Variants in DENND5A observed in about 807,000 individuals in gnomAD.
The protein encoded by DENND5A is DENN domain-containing protein 5A.
In DENND5A, 64 loss-of-function variants were observed where a neutral mutation model predicts 140.3. The observed-to-expected ratio is 0.46, with a 90% CI of 0.37 to 0.56. The LOEUF is 0.56. Ranked by LOEUF, DENND5A falls within the 20% of genes least tolerant of loss-of-function variation. The pLI, the probability that DENND5A is intolerant of heterozygous loss-of-function variation, is 0.00. For missense variants in DENND5A, 1,292 were observed against 1,593.8 expected, an observed-to-expected ratio of 0.81 and a Z score of 3.22; for synonymous variants, 605 against 607.7, an observed-to-expected ratio of 1.00 and a Z score of 0.07.
At chr11:9,217,448 A>G (rs916451239) in intron 1 of DENND5A, among the ~76,000 whole-genome samples, 5 of 151,640 alleles carry the variant, frequency 3.3e-5, no homozygotes, top group African/African-American at 4.9e-5. Flanking sequence ...CAGGAGGCAG[A>G]GGGTGCAGTG....
intron 22 of DENND5A, chr11:9,140,339 A>G: frequency 1.7e-6 from 1 of 599,356 alleles, no homozygotes. Flanking sequence ...CCAAGATCAC[A>G]TGGCTAGTAA....
At chr11:9,186,432 C>G (rs1159832758) in intron 5 of DENND5A, among the ~76,000 whole-genome samples, 1 of 152,174 alleles carries the variant, frequency 6.6e-6, no homozygotes, top group Non-Finnish European at 1.5e-5. Context: ...CTGTGACCCA[C>G]GAAAGGCACA....
intron 1 of DENND5A, among the ~76,000 whole-genome samples, chr11:9,234,427 C>T (rs1478446675): frequency 6.6e-6 from 1 of 151,562 alleles, no homozygotes; most frequent in Non-Finnish European, 1.5e-5. Context: ...TAGTAGTCAA[C>T]GAAATACAGA....
At chr11:9,195,516 T>C (rs1849294583) in intron 4 of DENND5A, among the ~76,000 whole-genome samples, 1 of 152,310 alleles carries the variant, frequency 6.6e-6, no homozygotes, top group Non-Finnish European at 1.5e-5. Context: ...AAATGAGCTG[T>C]CATAGGAATT....
chr11:9,172,836 G>A (rs576782336), intron 8 of DENND5A, among the ~76,000 whole-genome samples: 1 of 151,954 alleles, frequency 6.6e-6, no homozygotes, highest in Non-Finnish European at 1.5e-5. Flanking sequence ...ATTTTTTTGA[G>A]ACAGGGTCTC....
chr11:9,167,965 T>C (rs927860209), intron 10 of DENND5A, among the ~76,000 whole-genome samples: 1 of 152,228 alleles, frequency 6.6e-6, no homozygotes, highest in Non-Finnish European at 1.5e-5. Flanking sequence ...CATATGGTCA[T>C]TTCAAAAGCT....
chr11:9,257,953 C>T (rs372671299), intron 1 of DENND5A, among the ~76,000 whole-genome samples: 8 of 151,662 alleles, frequency 5.3e-5, no homozygotes, highest in East Asian at 3.9e-4. Flanking sequence ...CCACCAGGCC[C>T]GGCTAATTTT....
chr11:9,248,622 C>A (rs1851582213), intron 1 of DENND5A, among the ~76,000 whole-genome samples: 5 of 151,838 alleles, frequency 3.3e-5, no homozygotes, highest in Admixed American at 3.3e-4. Context: ...CCCCTGCATT[C>A]CAGCCTGGGC....
At chr11:9,226,807 A>C (rs1043335677) in intron 1 of DENND5A, among the ~76,000 whole-genome samples, 1 of 152,128 alleles carries the variant, frequency 6.6e-6, no homozygotes, top group Non-Finnish European at 1.5e-5. Context: ...CTGAATGTGC[A>C]AGACTCAAAA....
At chr11:9,145,537 C>T (rs1847399340) in intron 17 of DENND5A, 133 bp downstream of exon 17, 3 of 1,007,726 alleles carry the variant, frequency 3.0e-6, no homozygotes, top group Non-Finnish European at 4.5e-6. Context: ...CTCAGATCAT[C>T]TCAGGAAGGT....
At position 9,170,773 on chromosome 11, in the gene DENND5A, T is replaced by G. The variant is rs777766849; in HGVS notation, c.1911A>C (p.Lys637Asn). The G allele has an allele frequency of 6.2e-7, 1 of 1,612,636 alleles. No individual in the cohort carries two copies. Among genetic ancestry groups the G allele is most frequent in the East Asian group, 2.2e-5 (1 of 44,868 alleles). The change falls in exon 9 of 23, where the codon AAA (lysine) becomes AAC (asparagine). Residue 637 changes from lysine to asparagine, a missense_variant. This residue lies in a region of DENND5A where 199 missense variants were observed against 189.1 expected (regional missense o/e 1.05). Transcript: ENST00000328194. The stretch of plus-strand genomic sequence containing the variant: ...TTTTTGCCAGACGCAGCTCAATTGC[T>G]TTCTCTGGATGAGAATACACACACA... ...QKCTTVDEAEKAIELRLAKID... is the reference protein window; with the variant it reads ...QKCTTVDEAENAIELRLAKID...
chr11:9,152,886 C>T lies in DENND5A; in HGVS notation c.2437-444G>A, dbSNP rs1322458642. Among the ~76,000 whole-genome samples the T allele has an allele frequency of 2.6e-5, 4 of 151,800 alleles. No individual in the cohort carries two copies. In the South Asian group the frequency reaches 8.3e-4, roughly 32 times the overall value. On this transcript the variant is annotated intron_variant, in intron 12 of 22. Transcript: ENST00000328194. ...GGATGTGGTGGTGCATGGCTATAATCCCAGCTACTCAGGAGGCAGGAGAAT... is the reference window on the plus strand; with the variant it reads ...GGATGTGGTGGTGCATGGCTATAATTCCAGCTACTCAGGAGGCAGGAGAAT...
intron 22 of DENND5A, 21 bp downstream of exon 22, chr11:9,141,919 T>G (rs748248134): frequency 5.8e-6 from 9 of 1,558,658 alleles, no homozygotes; most frequent in East Asian, 2.3e-5. Context: ...CTGTGCACTC[T>G]GGGCCCTGGG....
intron 13 of DENND5A, among the ~76,000 whole-genome samples, chr11:9,151,850 G>C (rs1291759073): frequency 6.6e-6 from 1 of 152,100 alleles, no homozygotes; most frequent in Admixed American, 6.6e-5. Context: ...TAAAGGGCCT[G>C]GACTAGATGA....
intron 1 of DENND5A, among the ~76,000 whole-genome samples, chr11:9,245,103 T>C (rs1351262310): frequency 6.6e-6 from 1 of 151,588 alleles, no homozygotes; most frequent in Non-Finnish European, 1.5e-5. Flanking sequence ...GCCAACATGC[T>C]GAAACCCCGT....
chr11:9,161,605 T>A (rs187038078), intron 11 of DENND5A, among the ~76,000 whole-genome samples: 26 of 152,342 alleles, frequency 1.7e-4, no homozygotes, highest in African/African-American at 6.3e-4. Context: ...GGAGGTAATT[T>A]ATTTTACATA....
rs145978537 is a variant in DENND5A at position 9,203,950 on chromosome 11, C to T, written c.659G>A (p.Arg220Gln). The change falls in exon 4 of 23, where the codon CGG becomes CAG. Residue 220 changes from arginine (R) to glutamine (Q), a missense_variant. Coordinates refer to ENST00000328194, the MANE Select transcript of DENND5A (RefSeq NM_015213.4). ...CTGGTGGAGTTGCTCCAGCACGCTC[C>T]GACATGCCTTCATGAAAGACATGGG... ...ITPMSFMKAC[R>Q]SVLEQLHQAV... 2.5e-5 allele frequency: 41 copies of T among 1,613,928 alleles called. No individual in the cohort carries two copies. The highest frequency in any genetic ancestry group is 3.3e-5 in the South Asian group (3 of 91,084).
rs1457072541 is a variant in DENND5A at position 9,145,065 on chromosome 11, A to C, written c.3052T>G (p.Ser1018Ala). ...ACCAGCCATTTGGCATACAGCCCAG[A>C]GTTATCATGGCCAATCTGGACAGTA... ...LTTVQIGHDN[S>A]GLYAKWLVEY... Residue 1018 changes from serine (S) to alanine (A), a missense_variant, in exon 18 of 23, where the codon TCT (serine) becomes GCT (alanine). This residue lies in a region of DENND5A where 498 missense variants were observed against 689.7 expected (regional missense o/e 0.72). Transcript: ENST00000328194. 6.2e-7 allele frequency: 1 copy of C among 1,614,026 alleles called. No individual in the cohort carries two copies. Among genetic ancestry groups the C allele is most frequent in the Non-Finnish European group, 8.5e-7 (1 of 1,180,004 alleles).
At chr11:9,150,907 T>A in intron 13 of DENND5A, 143 bp from the exon 14 acceptor site, 1 of 490,204 alleles carries the variant, frequency 2.0e-6, no homozygotes, top group Admixed American at 3.8e-5. Flanking sequence ...CATAAATATT[T>A]ATGAAATTCC....
Sources: gnomAD v4.1 joint callset for allele counts (sites outside exome capture counted in the v4.1 genomes callset) on GRCh38, gnomAD v4.1.1 for gene constraint, gnomAD v4.1.1 regional missense constraint, MANE v1.5 for transcripts, NCBI Gene and HGNC (gene_info 2026-07-23, HGNC 2026-07-21) for gene names.